The following CYTIP variants were observed in gnomAD, a reference collection of about 807,000 sequenced individuals.
The protein encoded by CYTIP is cytohesin 1 interacting protein.
CYTIP carries 26 observed loss-of-function variants against 43.8 expected under a neutral mutation model. That is an observed-to-expected ratio of 0.59 (90% CI 0.44 to 0.82). The LOEUF is 0.82. Ranked by LOEUF, CYTIP falls within the 40% of genes least tolerant of loss-of-function variation. The probability of loss-of-function intolerance (pLI) is 0.00; values close to 1 mark genes in which losing one functional copy is unlikely to be tolerated. For missense variants in CYTIP, 426 were observed against 443.1 expected (o/e 0.96, Z 0.35); for synonymous variants, 162 against 162.9 (o/e 0.99, Z 0.04).
chr2:157,417,696 T>TA (rs547700908), intron 7 of CYTIP, among the ~76,000 whole-genome samples: 1,537 of 142,088 alleles, frequency 0.011, 9 homozygotes, highest in East Asian at 0.048. Context: ...CACTTCAATT[T>TA]AAAAAAAAAA....
chr2:157,441,548 TAGTATGGGG>T (rs1451642558), intron 1 of CYTIP, among the ~76,000 whole-genome samples: 1 of 151,876 alleles, frequency 6.6e-6, no homozygotes, highest in African/African-American at 2.4e-5. Context: ...ATAAATTAAT[TAGTATGGGG>T]ATGTGTGTGT....
chr2:157,438,893 T>G (rs1352578834), intron 1 of CYTIP: 1 of 358,034 alleles, frequency 2.8e-6, no homozygotes, highest in Admixed American at 3.4e-5. Context: ...CCTTTTAGTA[T>G]GCCGGAAATC....
intron 1 of CYTIP, among the ~76,000 whole-genome samples, chr2:157,435,163 A>G (rs985610683): frequency 6.6e-6 from 1 of 152,204 alleles, no homozygotes; most frequent in Non-Finnish European, 1.5e-5. Context: ...GATTAACCAT[A>G]GCAATTTGTA....
At chr2:157,419,498 T>C (rs1387826357) in intron 6 of CYTIP, among the ~76,000 whole-genome samples, 1 of 152,184 alleles carries the variant, frequency 6.6e-6, no homozygotes, top group Non-Finnish European at 1.5e-5. Flanking sequence ...TCTTGGCCTA[T>C]CCCACAGAGG....
intron 5 of CYTIP, among the ~76,000 whole-genome samples, chr2:157,429,728 A>G (rs912182300): frequency 6.6e-6 from 1 of 152,172 alleles, no homozygotes; most frequent in Non-Finnish European, 1.5e-5. Context: ...CCAGTGTTCT[A>G]TTAAGAAGTT....
chr2:157,421,787 G>C (rs1027687274), intron 6 of CYTIP, among the ~76,000 whole-genome samples: 15 of 152,210 alleles, frequency 9.9e-5, no homozygotes, highest in African/African-American at 3.6e-4. Flanking sequence ...AAACCAGCCT[G>C]ACCTTGGCTA....
intron 1 of CYTIP, among the ~76,000 whole-genome samples, chr2:157,435,525 A>G (rs1646648351): frequency 1.3e-5 from 2 of 152,232 alleles, no homozygotes; most frequent in Admixed American, 6.5e-5. Context: ...TATAAACATA[A>G]GCTTTCAGGA....
At chr2:157,427,298 C>T in intron 6 of CYTIP, 53 bp downstream of exon 6, 1 of 1,413,604 alleles carries the variant, frequency 7.1e-7, no homozygotes, top group Non-Finnish European at 9.8e-7. Context: ...TTTATTTTAC[C>T]ACTCACACAT....
chr2:157,435,228 A>G (rs1398591371), intron 1 of CYTIP, among the ~76,000 whole-genome samples: 3 of 152,152 alleles, frequency 2.0e-5, no homozygotes, highest in African/African-American at 7.2e-5. Context: ...ATGAAACCCA[A>G]ATACTTTATA....
At chr2:157,432,707 T>C (rs1360445386) in intron 3 of CYTIP, among the ~76,000 whole-genome samples, 1 of 152,158 alleles carries the variant, frequency 6.6e-6, no homozygotes, top group African/African-American at 2.4e-5. Flanking sequence ...ATTCCTCTAG[T>C]AGGCCACATC....
intron 3 of CYTIP, among the ~76,000 whole-genome samples, chr2:157,432,816 T>G (rs1271359859): frequency 6.6e-6 from 1 of 152,192 alleles, no homozygotes; most frequent in Non-Finnish European, 1.5e-5. Context: ...TGTTAACTGC[T>G]GCAAATCTGA....
intron 6 of CYTIP, 29 bp from the exon 7 acceptor site, chr2:157,418,618 T>A (rs781747801): frequency 3.0e-4 from 294 of 981,098 alleles, no homozygotes; most frequent in Non-Finnish European, 3.2e-4. Flanking sequence ...AAAAAAAAAG[T>A]TTTTATTATT....
At position 157,433,246 on chromosome 2, in the gene CYTIP, C is replaced by T. The variant is rs146640883; in HGVS notation, c.279+1124G>A. ...CATATGACCGGGGAGTAAGAGGGAG[C>T]ACTATGCTTCTAAAACCTATAGATT... On this transcript the variant is annotated intron_variant, in intron 3 of 7. Coordinates refer to ENST00000264192, the MANE Select transcript of CYTIP (RefSeq NM_004288.5). Among the ~76,000 whole-genome samples, 295 of 152,214 alleles carry T rather than the reference C, an allele frequency of 1.9e-3. 1 individual carries two copies. Among genetic ancestry groups the T allele is most frequent in the African/African-American group, 6.8e-3 (284 of 41,520 alleles).
chr2:157,436,448 C>T (rs1167097021), intron 1 of CYTIP, among the ~76,000 whole-genome samples: 5 of 152,146 alleles, frequency 3.3e-5, no homozygotes, highest in Middle Eastern at 3.4e-3. Flanking sequence ...AGCCAAATTA[C>T]GTAATGATAA....
At chr2:157,420,888 A>G (rs1288502482) in intron 6 of CYTIP, among the ~76,000 whole-genome samples, 1 of 152,214 alleles carries the variant, frequency 6.6e-6, no homozygotes, top group African/African-American at 2.4e-5. Flanking sequence ...AACTAGAGAC[A>G]GAAAGAAGAG....
chr2:157,424,904 T>G (rs1685580009), intron 6 of CYTIP, among the ~76,000 whole-genome samples: 1 of 152,070 alleles, frequency 6.6e-6, no homozygotes, highest in South Asian at 2.1e-4. Flanking sequence ...TGGAACTTGC[T>G]TAAAAATAGA....
At chr2:157,434,646 G>T (rs990559411) in intron 2 of CYTIP, 52 bp downstream of exon 2, 10 of 1,367,216 alleles carry the variant, frequency 7.3e-6, no homozygotes, top group Non-Finnish European at 1.0e-5. Context: ...AGTCTGGAGA[G>T]CTATGTTCCT....
At chr2:157,420,017 A>G (rs1685494754) in intron 6 of CYTIP, among the ~76,000 whole-genome samples, 1 of 152,222 alleles carries the variant, frequency 6.6e-6, no homozygotes, top group Non-Finnish European at 1.5e-5. Context: ...TTTCTGTACC[A>G]TAATATAGTC....
At chr2:157,443,612 T>C (rs921480479) in intron 1 of CYTIP, among the ~76,000 whole-genome samples, 1 of 152,150 alleles carries the variant, frequency 6.6e-6, no homozygotes, top group East Asian at 1.9e-4. Context: ...TGAGCACTTC[T>C]TCAAATAAGA....
Sources: gnomAD v4.1 joint callset for allele counts (sites outside exome capture counted in the v4.1 genomes callset) on GRCh38, gnomAD v4.1.1 for gene constraint, MANE v1.5 for transcripts, NCBI Gene and HGNC (gene_info 2026-07-23, HGNC 2026-07-21) for gene names.